Variants in DTNA observed in about 807,000 individuals in gnomAD.
DTNA encodes the protein dystrophin-related protein 3.
Under a neutral mutation model 100.7 loss-of-function variants are expected in DTNA, and 43 were observed. The ratio of observed to expected loss-of-function variants is 0.43; its 90% CI spans 0.33 to 0.55. DTNA has a LOEUF of 0.55. Ranked by LOEUF, DTNA falls within the 20% of genes least tolerant of loss-of-function variation. The probability of loss-of-function intolerance (pLI) is 0.04; values close to 1 mark genes in which losing one functional copy is unlikely to be tolerated. For synonymous variants in DTNA, 349 were observed against 347.9 expected, an observed-to-expected ratio of 1.00 and a Z score of -0.04; for missense variants, 798 against 953.9, an observed-to-expected ratio of 0.84 and a Z score of 2.15.
rs77701077 is a variant in DTNA at position 34,514,452 on chromosome 18, G to A, written c.-2+20938G>A. On this transcript the variant is annotated intron_variant, in intron 1 of 19. Transcript: ENST00000283365. ...CAGGGACCAAACTTTAAGAGTCATC[G>A]ATATGACACATAAGGCTCATGGTGA... Among the ~76,000 whole-genome samples, 343 of 152,176 alleles carry A rather than the reference G, an allele frequency of 2.3e-3. 1 individual carries two copies. The highest frequency in any genetic ancestry group is 4.1e-3 in the Admixed American group (63 of 15,264).
chr18:34,585,338 A>T (rs1376156505), intron 1 of DTNA, among the ~76,000 whole-genome samples: 3 of 152,234 alleles, frequency 2.0e-5, no homozygotes, highest in Non-Finnish European at 4.4e-5. Context: ...AGGAAATATA[A>T]GATGGGCAGA....
At chr18:34,782,517 C>A (rs568978737) in intron 3 of DTNA, among the ~76,000 whole-genome samples, 1 of 152,210 alleles carries the variant, frequency 6.6e-6, no homozygotes, top group South Asian at 2.1e-4. Flanking sequence ...CTGGGAGCAA[C>A]AAAAGGGAGA....
chr18:34,519,625 T>C (rs570025808), intron 1 of DTNA, among the ~76,000 whole-genome samples: 1 of 152,270 alleles, frequency 6.6e-6, no homozygotes, highest in East Asian at 1.9e-4. Context: ...CAAGATACTT[T>C]TGAGATTATT....
chr18:34,871,709 C>T (rs748564956), intron 17 of DTNA, among the ~76,000 whole-genome samples: 1 of 152,122 alleles, frequency 6.6e-6, no homozygotes, highest in Non-Finnish European at 1.5e-5. Flanking sequence ...TCCTAGTGTT[C>T]CTACAAGAAC....
At chr18:34,624,240 G>T (rs1439153761) in intron 1 of DTNA, among the ~76,000 whole-genome samples, 1 of 152,188 alleles carries the variant, frequency 6.6e-6, no homozygotes, top group African/African-American at 2.4e-5. Flanking sequence ...ACTTTTGCCA[G>T]TTGCAGATCA....
In DTNA at chr18:34,587,071, T is replaced by G. The variant is rs542093304; in HGVS notation, c.-2+93557T>G. On this transcript the variant is annotated intron_variant, in intron 1 of 19. Transcript: ENST00000283365. ...TCAAAGTCCTGGGCTCAAGCAATCC[T>G]TCCATCTCAGCCCCCCTACTTGGGA... Among the ~76,000 whole-genome samples, 121 of 152,034 alleles carry G rather than the reference T, an allele frequency of 8.0e-4. 1 individual carries two copies. The highest frequency in any genetic ancestry group is 1.3e-3 in the Non-Finnish European group (89 of 67,976).
chr18:34,533,282 G>A (rs953287769), intron 1 of DTNA, among the ~76,000 whole-genome samples: 1 of 150,696 alleles, frequency 6.6e-6, no homozygotes, highest in African/African-American at 2.4e-5. Flanking sequence ...TGAGGCAGGA[G>A]AAACACTTGA....
At chr18:34,811,820 TA>T in intron 5 of DTNA, 138 bp from the exon 6 acceptor site, 1 of 1,014,518 alleles carries the variant, frequency 9.9e-7, no homozygotes, top group Non-Finnish European at 1.5e-6. Context: ...TATTTCAGCA[TA>T]AAAATTAGCT....
chr18:34,878,127 C>T (rs2150356944), intron 19 of DTNA, among the ~76,000 whole-genome samples: 1 of 152,226 alleles, frequency 6.6e-6, no homozygotes, highest in Non-Finnish European at 1.5e-5. Context: ...CACATGCCAG[C>T]ACGCCTGGCT....
At chr18:34,543,084 C>T (rs951231370) in intron 1 of DTNA, among the ~76,000 whole-genome samples, 3 of 151,892 alleles carry the variant, frequency 2.0e-5, no homozygotes, top group African/African-American at 4.8e-5. Context: ...TGGTTCTGTA[C>T]TATTCAGTCT....
chr18:34,701,318 G>A (rs2081338890), intron 1 of DTNA, among the ~76,000 whole-genome samples: 1 of 152,108 alleles, frequency 6.6e-6, no homozygotes, highest in African/African-American at 2.4e-5. Context: ...GCCAGTGGAT[G>A]TTTTTCCCAT....
intron 1 of DTNA, among the ~76,000 whole-genome samples, chr18:34,596,730 T>A (rs1032044698): frequency 6.6e-6 from 1 of 152,004 alleles, no homozygotes; most frequent in African/African-American, 2.4e-5. Context: ...TCAGATAACT[T>A]TTCTGATTTT....
chr18:34,570,671 C>T (rs2047500499), intron 1 of DTNA, among the ~76,000 whole-genome samples: 1 of 152,104 alleles, frequency 6.6e-6, no homozygotes, highest in Non-Finnish European at 1.5e-5. Flanking sequence ...ATACTAGCAA[C>T]AAGGGTTATA....
chr18:34,868,522 T>G, intron 17 of DTNA: 1 of 985,464 alleles, frequency 1.0e-6, no homozygotes, highest in Non-Finnish European at 1.2e-6. Flanking sequence ...TTATGAGTGT[T>G]TCTCCCCTTT....
intron 1 of DTNA, among the ~76,000 whole-genome samples, chr18:34,571,951 T>C (rs2047628401): frequency 6.6e-6 from 1 of 152,228 alleles, no homozygotes; most frequent in Admixed American, 6.5e-5. Flanking sequence ...TTTCTTTGTA[T>C]TATAAAAACT....
intron 1 of DTNA, among the ~76,000 whole-genome samples, chr18:34,734,866 A>G (rs2089202153): frequency 6.6e-6 from 1 of 152,168 alleles, no homozygotes; most frequent in African/African-American, 2.4e-5. Flanking sequence ...AGTGTTCTCC[A>G]TACTATTAGA....
chr18:34,780,462 C>T (rs1417107676), intron 3 of DTNA, among the ~76,000 whole-genome samples: 3 of 152,158 alleles, frequency 2.0e-5, no homozygotes, highest in Non-Finnish European at 4.4e-5. Context: ...GGCACCAGCC[C>T]TAAGCAGCTT....
chr18:34,696,016 G>C (rs149481002), intron 1 of DTNA, among the ~76,000 whole-genome samples: 6 of 152,166 alleles, frequency 3.9e-5, no homozygotes, highest in Admixed American at 3.9e-4. Context: ...AGAATAAGCA[G>C]ACTGATAGCA....
rs3078088 is a variant in DTNA at position 34,605,633 on chromosome 18, GCACACACACA to G, written c.-2+112150_-2+112159del. 2.9e-4 allele frequency among the ~76,000 whole-genome samples: 41 copies of G among 142,328 alleles called. No individual in the cohort carries two copies. In the South Asian group the frequency reaches 3.5e-3, roughly 12 times the overall value. 93.4% of individuals were successfully genotyped at this position (142,328 alleles called of 152,430 possible). ...GCAAACCATCAAAATTGCAACTCAG[GCACACACACA>G]CACACACACACACACACACACACAC... On this transcript the variant is annotated intron_variant, in intron 1 of 19. Coordinates refer to the DTNA transcript ENST00000283365.
Sources: gnomAD v4.1 joint callset for allele counts (sites outside exome capture counted in the v4.1 genomes callset) on GRCh38, gnomAD v4.1.1 for gene constraint, MANE v1.5 for transcripts, NCBI Gene and HGNC (gene_info 2026-07-23, HGNC 2026-07-21) for gene names.